GGTA1: variants seen among roughly 807,000 people sequenced by gnomAD.
GGTA1 encodes the protein inactive N-acetyllactosaminide alpha-1,3-galactosyltransferase.
GGTA1 carries 5 observed loss-of-function variants against 2.6 expected under a neutral mutation model. The ratio of observed to expected loss-of-function variants is 1.92; its 90% CI spans 1.00 to 4.04. GGTA1 has a LOEUF of 4.04. Among genes scored for constraint, GGTA1 ranks in the 30% most tolerant of loss-of-function variants. GGTA1 has a pLI of 0.00. For missense variants in GGTA1, 50 were observed against 16.7 expected, an observed-to-expected ratio of 2.99 and a Z score of -3.47; for synonymous variants, 17 against 5.0, an observed-to-expected ratio of 3.38 and a Z score of -3.19.
At chr9:121,460,480 G>C (rs566862670) in intron 4 of GGTA1, among the ~76,000 whole-genome samples, 3 of 152,152 alleles carry the variant, frequency 2.0e-5, no homozygotes, top group South Asian at 4.1e-4. Flanking sequence ...GTTATTTCAG[G>C]GGGGGTGAGG....
At chr9:121,467,376 A>G (rs1248546486) in intron 2 of GGTA1, among the ~76,000 whole-genome samples, 1 of 152,176 alleles carries the variant, frequency 6.6e-6, no homozygotes, top group Non-Finnish European at 1.5e-5. Flanking sequence ...GCCAGGCACA[A>G]ATGAATCACT....
rs10712323 is a variant in GGTA1, at chr9:121,473,319, C to CAA, written c.-9-5390_-9-5389dup. Among the ~76,000 whole-genome samples, 753 of 96,374 alleles carry CAA rather than the reference C, an allele frequency of 7.8e-3. 21 individuals are homozygous for CAA. The highest frequency in any genetic ancestry group is 0.027 in the African/African-American group (649 of 24,128). 63.2% of individuals were successfully genotyped at this position (96,374 alleles called of 152,430 possible). ...TAGGTGACAGAGCAAGACTCCATCT[C>CAA]AAAAAAAAAAAAAAAAAAAGACTTA... On this transcript the variant is annotated intron_variant, in intron 1 of 5. Transcript: ENST00000481799.
intron 2 of GGTA1, among the ~76,000 whole-genome samples, chr9:121,465,145 G>A (rs2064996036): frequency 6.6e-6 from 1 of 152,248 alleles, no homozygotes; most frequent in African/African-American, 2.4e-5. Context: ...ACCTGCTCTG[G>A]CTACCATGCA....
intron 5 of GGTA1, among the ~76,000 whole-genome samples, chr9:121,458,286 C>T (rs1275175229): frequency 6.6e-6 from 1 of 151,894 alleles, no homozygotes; most frequent in Non-Finnish European, 1.5e-5. Context: ...ACTTAGATGC[C>T]CTGAGAAGAC....
At position 121,475,862 on chromosome 9, in the gene GGTA1, G is replaced by A. The variant is rs115846954; in HGVS notation, c.-9-7931C>T. ...TCCAGATCCTTGATTATAAAGGAGAGTGTTCAGCTCCAGCATTCCAGGTAA... is the reference window on the plus strand; with the variant it reads ...TCCAGATCCTTGATTATAAAGGAGAATGTTCAGCTCCAGCATTCCAGGTAA... On this transcript the variant is annotated intron_variant, in intron 1 of 5. Transcript: ENST00000481799. 6.0e-3 allele frequency among the ~76,000 whole-genome samples: 911 copies of A among 152,256 alleles called. 5 individuals are homozygous for A. Among genetic ancestry groups the A allele is most frequent in the African/African-American group, 0.019 (805 of 41,534 alleles).
chr9:121,467,090 A>G (rs547090908), intron 2 of GGTA1, among the ~76,000 whole-genome samples: 1 of 152,308 alleles, frequency 6.6e-6, no homozygotes, highest in South Asian at 2.1e-4. Flanking sequence ...ACTCAATTGT[A>G]CAGTAGATTT....
downstream of GGTA1, among the ~76,000 whole-genome samples, chr9:121,454,601 T>G (rs1376674410): frequency 6.6e-6 from 1 of 152,094 alleles, no homozygotes; most frequent in Non-Finnish European, 1.5e-5. Context: ...GACTCTGGAG[T>G]CCATGCTCTG....
intron 1 of GGTA1, chr9:121,478,941 G>A (rs1006404379): frequency 2.4e-6 from 1 of 413,738 alleles, no homozygotes; most frequent in African/African-American, 2.1e-5. Context: ...ACTTCACCCT[G>A]AGCCCCAAGA....
At chr9:121,490,224 C>T (rs976774020) in intron 1 of GGTA1, among the ~76,000 whole-genome samples, 2 of 152,126 alleles carry the variant, frequency 1.3e-5, no homozygotes, top group Admixed American at 1.3e-4. Context: ...TCAATAGTAC[C>T]GCATGCCAGG....
intron 1 of GGTA1, among the ~76,000 whole-genome samples, chr9:121,489,348 A>G (rs1368107941): frequency 6.6e-6 from 1 of 152,062 alleles, no homozygotes. Flanking sequence ...ACAGGTGCAC[A>G]TTACCATGCC....
At chr9:121,498,519 AG>A (rs2118792948) in intron 1 of GGTA1, among the ~76,000 whole-genome samples, 1 of 152,324 alleles carries the variant, frequency 6.6e-6, no homozygotes, top group South Asian at 2.1e-4. Flanking sequence ...AGAGACTGGA[AG>A]GAAGGTCTCC....
At chr9:121,493,015 G>A (rs1197987916) in intron 1 of GGTA1, among the ~76,000 whole-genome samples, 1 of 151,802 alleles carries the variant, frequency 6.6e-6, no homozygotes, top group Non-Finnish European at 1.5e-5. Context: ...GTGGTGGCGT[G>A]TGCCTGTACT....
chr9:121,470,091 C>T (rs1828356602), intron 1 of GGTA1, among the ~76,000 whole-genome samples: 1 of 152,150 alleles, frequency 6.6e-6, no homozygotes, highest in African/African-American at 2.4e-5. Flanking sequence ...CTTTGGGACC[C>T]GTGAGCATAA....
At chr9:121,489,442 C>T (rs1421862283) in intron 1 of GGTA1, among the ~76,000 whole-genome samples, 1 of 152,214 alleles carries the variant, frequency 6.6e-6, no homozygotes, top group African/African-American at 2.4e-5. Flanking sequence ...AAACCATCCC[C>T]TCCCAAAGTG....
intron 5 of GGTA1, among the ~76,000 whole-genome samples, chr9:121,456,878 C>T (rs2118759347): frequency 6.6e-6 from 1 of 152,194 alleles, no homozygotes. Context: ...CACTAAGTTG[C>T]CCAGGCTAGT....
chr9:121,469,281 T>C (rs1828330669), intron 1 of GGTA1, among the ~76,000 whole-genome samples: 1 of 152,094 alleles, frequency 6.6e-6, no homozygotes. Flanking sequence ...AATGAGACTA[T>C]TTTGGGAGCA....
At chr9:121,464,324 G>GGT (rs34851986) in intron 2 of GGTA1, among the ~76,000 whole-genome samples, 1 of 111,878 alleles carries the variant, frequency 8.9e-6, no homozygotes, top group East Asian at 2.7e-4. Context: ...CCTCCTTGAG[G>GGT]TTTTTTTTTT....
At chr9:121,457,079 G>A (rs910624868) in intron 5 of GGTA1, among the ~76,000 whole-genome samples, 1 of 152,218 alleles carries the variant, frequency 6.6e-6, no homozygotes, top group Admixed American at 6.5e-5. Flanking sequence ...CGGCTGTCGA[G>A]TGGAGAGAAG....
At chr9:121,489,325 A>G (rs1828826111) in intron 1 of GGTA1, among the ~76,000 whole-genome samples, 1 of 152,160 alleles carries the variant, frequency 6.6e-6, no homozygotes. Flanking sequence ...TAGCCTCCCC[A>G]GTAGCTGGGA....
Sources: gnomAD v4.1 joint callset for allele counts (sites outside exome capture counted in the v4.1 genomes callset) on GRCh38, gnomAD v4.1.1 for gene constraint, MANE v1.5 for transcripts, NCBI Gene and HGNC (gene_info 2026-07-23, HGNC 2026-07-21) for gene names.